IMMP2L: variants seen among roughly 807,000 people sequenced by gnomAD.
IMMP2L encodes the protein inner mitochondrial membrane peptidase subunit 2.
A neutral mutation model predicts 19.3 loss-of-function variants in IMMP2L; 18 were observed. The ratio of observed to expected loss-of-function variants is 0.93; its 90% CI spans 0.64 to 1.38. IMMP2L has a LOEUF of 1.38. Among genes scored for constraint, IMMP2L ranks in the 40% most tolerant of loss-of-function variants. The pLI is 0.00. For missense variants in IMMP2L, 233 were observed against 218.2 expected, an observed-to-expected ratio of 1.07 and a Z score of -0.43; for synonymous variants, 76 against 73.0, an observed-to-expected ratio of 1.04 and a Z score of -0.21.
At chr7:111,122,666 T>A in intron 3 of IMMP2L, 1 of 877,704 alleles carries the variant, frequency 1.1e-6, no homozygotes. Context: ...GCATTCATCA[T>A]TTGACAAATG....
chr7:111,309,849 G>A (rs959296856), intron 3 of IMMP2L, among the ~76,000 whole-genome samples: 18 of 152,048 alleles, frequency 1.2e-4, no homozygotes, highest in Admixed American at 1.1e-3. Flanking sequence ...TACTATTCAT[G>A]TATTACTATT....
chr7:111,203,080 T>C (rs1810319382), intron 3 of IMMP2L, among the ~76,000 whole-genome samples: 1 of 152,134 alleles, frequency 6.6e-6, no homozygotes, highest in African/African-American at 2.4e-5. Flanking sequence ...TACTATCTAT[T>C]CAGACACAGA....
intron 3 of IMMP2L, among the ~76,000 whole-genome samples, chr7:111,125,931 T>C (rs1801261544): frequency 6.7e-6 from 1 of 148,502 alleles, no homozygotes; most frequent in Admixed American, 6.8e-5. Flanking sequence ...CAAGCAATTC[T>C]CCTGCCTCAA....
intron 4 of IMMP2L, among the ~76,000 whole-genome samples, chr7:110,894,634 A>G (rs1811140981): frequency 6.6e-6 from 1 of 152,156 alleles, no homozygotes; most frequent in Non-Finnish European, 1.5e-5. Flanking sequence ...TATGTTTTGT[A>G]AATATTTTCT....
chr7:110,963,163 A>T (rs921248327), intron 4 of IMMP2L: 8 of 1,200,826 alleles, frequency 6.7e-6, no homozygotes, highest in Non-Finnish European at 9.1e-6. Context: ...GAATTTTTTT[A>T]AATGAACCTT....
intron 5 of IMMP2L, among the ~76,000 whole-genome samples, chr7:110,876,300 A>C (rs1809060418): frequency 6.6e-6 from 1 of 152,088 alleles, no homozygotes; most frequent in African/African-American, 2.4e-5. Flanking sequence ...ACCAAAAAAG[A>C]GTAGAAAAGG....
At chr7:110,720,884 GAA>G (rs1389757169) in intron 5 of IMMP2L, among the ~76,000 whole-genome samples, 1 of 152,012 alleles carries the variant, frequency 6.6e-6, no homozygotes, top group Non-Finnish European at 1.5e-5. Context: ...AGGTATCTAG[GAA>G]CACATATTTC....
intron 4 of IMMP2L, among the ~76,000 whole-genome samples, chr7:110,944,327 C>G (rs1340482356): frequency 1.3e-5 from 2 of 151,920 alleles, no homozygotes; most frequent in Non-Finnish European, 2.9e-5. Flanking sequence ...GGTAAGGATA[C>G]AGGATGTTCT....
At chr7:111,355,345 A>T (rs1352255063) in intron 3 of IMMP2L, among the ~76,000 whole-genome samples, 1 of 151,840 alleles carries the variant, frequency 6.6e-6, no homozygotes, top group Non-Finnish European at 1.5e-5. Flanking sequence ...TAAATTAATT[A>T]TGAAAATTAG....
At chr7:111,549,698 G>A (rs1260239074) in intron 1 of IMMP2L, among the ~76,000 whole-genome samples, 2 of 152,068 alleles carry the variant, frequency 1.3e-5, no homozygotes, top group Admixed American at 6.5e-5. Context: ...CCAGCACTTT[G>A]GGAGGCCAAG....
Position 110,663,386 on chromosome 7 carries a change from C to T in IMMP2L, c.*216G>A, listed in dbSNP as rs1791207221. 2.3e-6 allele frequency: 1 copy of T among 427,436 alleles called. No homozygotes were observed. The highest frequency in any genetic ancestry group is 2.1e-5 in the African/African-American group (1 of 47,940). 26.5% of individuals were successfully genotyped at this position (427,436 alleles called of 1,614,324 possible). On this transcript the variant is annotated 3_prime_UTR_variant, in exon 6 of 6. Transcript: ENST00000405709. ...TGCATATTTTGGGGGCATTAAACAACAGGGAACTAAAATTTAACACAAAAT... is the reference window on the plus strand; with the variant it reads ...TGCATATTTTGGGGGCATTAAACAATAGGGAACTAAAATTTAACACAAAAT...
chr7:111,040,308 T>C (rs1341719539), intron 3 of IMMP2L, among the ~76,000 whole-genome samples: 1 of 152,220 alleles, frequency 6.6e-6, no homozygotes, highest in African/African-American at 2.4e-5. Context: ...GATATGGAGT[T>C]GCCAAAATGA....
intron 5 of IMMP2L, among the ~76,000 whole-genome samples, chr7:110,875,758 A>G (rs1268046448): frequency 1.2e-4 from 19 of 152,108 alleles, no homozygotes; most frequent in Admixed American, 1.2e-3. Flanking sequence ...AAATCACTGG[A>G]GGTCTAAGTA....
At chr7:111,059,095 G>A (rs1216377979) in intron 3 of IMMP2L, among the ~76,000 whole-genome samples, 2 of 152,026 alleles carry the variant, frequency 1.3e-5, no homozygotes, top group Non-Finnish European at 2.9e-5. Flanking sequence ...TGATTCTCCT[G>A]CCTCAGCCTC....
chr7:111,373,613 A>G (rs1231980831), intron 3 of IMMP2L, among the ~76,000 whole-genome samples: 3 of 152,056 alleles, frequency 2.0e-5, no homozygotes, highest in Non-Finnish European at 4.4e-5. Flanking sequence ...GCTAATGTTT[A>G]TAAGTTCCCA....
intron 3 of IMMP2L, among the ~76,000 whole-genome samples, chr7:111,006,223 T>C (rs1055903056): frequency 1.3e-5 from 2 of 152,138 alleles, no homozygotes; most frequent in Non-Finnish European, 2.9e-5. Context: ...AATCCAAAGA[T>C]AGTGACTGAC....
chr7:111,172,731 T>A (rs1806589560), intron 3 of IMMP2L, among the ~76,000 whole-genome samples: 3 of 151,548 alleles, frequency 2.0e-5, no homozygotes, highest in African/African-American at 7.3e-5. Flanking sequence ...CCCATATGAG[T>A]GAGAACAGGC....
At position 110,879,558 on chromosome 7, in the gene IMMP2L, C is replaced by G. The variant is rs190062950; in HGVS notation, c.408+7035G>C. 2.0e-5 allele frequency among the ~76,000 whole-genome samples: 3 copies of G among 152,226 alleles called. No individual in the cohort carries two copies. The East Asian group carries it at 5.8e-4, about 29-fold the overall frequency. ...TCATTCTCATCTTTTCCAGAGGTAACCAATCCTGAATTTTTTACTGCTATT... is the reference window on the plus strand; with the variant it reads ...TCATTCTCATCTTTTCCAGAGGTAAGCAATCCTGAATTTTTTACTGCTATT... On this transcript the variant is annotated intron_variant, in intron 5 of 5. Coordinates refer to ENST00000405709, the MANE Select transcript of IMMP2L (RefSeq NM_032549.4).
chr7:111,530,852 T>C (rs1158942452), intron 1 of IMMP2L, among the ~76,000 whole-genome samples: 2 of 151,988 alleles, frequency 1.3e-5, no homozygotes, highest in African/African-American at 4.8e-5. Flanking sequence ...AAGAAAAATA[T>C]AATTAGAATG....
Sources: gnomAD v4.1 joint callset for allele counts (sites outside exome capture counted in the v4.1 genomes callset) on GRCh38, gnomAD v4.1.1 for gene constraint, MANE v1.5 for transcripts, NCBI Gene and HGNC (gene_info 2026-07-23, HGNC 2026-07-21) for gene names.